The following MACF1 variants were observed in gnomAD, a reference collection of about 807,000 sequenced individuals.
MACF1 encodes the protein microtubule-actin cross-linking factor 1.
In MACF1, 193 loss-of-function variants were observed where a neutral mutation model predicts 854.8. That is an observed-to-expected ratio of 0.23 (90% CI 0.20 to 0.25). MACF1 has a LOEUF of 0.25. MACF1 is among the 10% of genes least tolerant of loss of function. MACF1 has a pLI of 1.00. For missense variants in MACF1, 7,722 were observed against 8,929.1 expected, an observed-to-expected ratio of 0.86 and a Z score of 5.45; for synonymous variants, 3,185 against 3,226.7, an observed-to-expected ratio of 0.99 and a Z score of 0.44.
intron 2 of MACF1, among the ~76,000 whole-genome samples, chr1:39,108,541 C>T (rs1030094089): frequency 1.5e-5 from 2 of 133,234 alleles, no homozygotes; most frequent in African/African-American, 5.7e-5. Context: ...GACGGAGTCT[C>T]ACTCTGCTGC....
intron 6 of MACF1, among the ~76,000 whole-genome samples, chr1:39,265,785 C>T (rs753129750): frequency 3.1e-4 from 47 of 152,154 alleles, no homozygotes; most frequent in Non-Finnish European, 3.8e-4. Flanking sequence ...TTAGGATCCC[C>T]CCGGGGGCTG....
chr1:39,267,422 G>A (rs1157958515), intron 6 of MACF1, among the ~76,000 whole-genome samples: 1 of 152,132 alleles, frequency 6.6e-6, no homozygotes, highest in Non-Finnish European at 1.5e-5. Flanking sequence ...GTAGAGACGG[G>A]GTTTCACCAT....
At position 39,477,851 on chromosome 1, in the gene MACF1, T is replaced by C. The variant is rs563640880; in HGVS notation, c.21959-1947T>C. 5.3e-5 allele frequency among the ~76,000 whole-genome samples: 8 copies of C among 152,178 alleles called. No homozygotes were observed. In the South Asian group the frequency reaches 1.0e-3, roughly 20 times the overall value. ...ATTGCACATTCTGTGAACTGTGCAG[T>C]GCATAGGGAACATATCACCATTATG... On this transcript the variant is annotated intron_variant, in intron 97 of 100. Coordinates refer to ENST00000564288, the MANE Select transcript of MACF1 (RefSeq NM_001394062.1).
rs765780480 is a variant in MACF1, at chr1:39,310,955, C to T, written c.3225C>T (p.Asp1075=). 2 of 1,614,132 alleles carry T rather than the reference C, an allele frequency of 1.2e-6. No individual in the cohort carries two copies. The highest frequency in any genetic ancestry group is 2.2e-5 in the South Asian group (2 of 91,076). The part of the protein sequence containing the change: ...RIQSLASSRT[D]RDAWQDNALR... ...AGTCTCTAGCCAGCTCTAGGACTGA[C>T]AGAGATGCCTGGCAGGACAATGCAT... is the stretch of plus-strand genomic sequence containing the variant. The change falls in exon 26 of 101, where the codon GAC becomes GAT. Residue 1075 remains aspartate, a synonymous_variant. Transcript: ENST00000564288.
At chr1:39,379,180 G>T in intron 53 of MACF1, 23 bp from the exon 54 acceptor site, 1 of 1,548,600 alleles carries the variant, frequency 6.5e-7, no homozygotes, top group South Asian at 1.2e-5. Flanking sequence ...TCTCCAATCT[G>T]ATTTCTGTTT....
chr1:39,108,154 G>A (rs1460041460), intron 2 of MACF1, among the ~76,000 whole-genome samples: 1 of 151,998 alleles, frequency 6.6e-6, no homozygotes, highest in African/African-American at 2.4e-5. Context: ...ATGTCCCAAA[G>A]GTTCTTTCAG....
At chr1:39,273,321 G>C (rs1376664155) in intron 6 of MACF1, among the ~76,000 whole-genome samples, 7 of 151,218 alleles carry the variant, frequency 4.6e-5, no homozygotes, top group Admixed American at 3.3e-4. Context: ...CAGTGTTCTT[G>C]CCACAACCCT....
chr1:39,266,711 C>T, intron 6 of MACF1, among the ~76,000 whole-genome samples: 1 of 144,496 alleles, frequency 6.9e-6, no homozygotes, highest in Non-Finnish European at 1.5e-5. Context: ...TGCTGTGTGG[C>T]CTGGATCCTT....
Position 39,334,216 on chromosome 1 carries a change from T to C in MACF1, c.7628T>C (p.Ile2543Thr), listed in dbSNP as rs1352385464. 5 of 1,614,138 alleles carry C rather than the reference T, an allele frequency of 3.1e-6. No homozygotes were observed. Among genetic ancestry groups the C allele is most frequent in the African/African-American group, 1.3e-5 (1 of 75,044 alleles). The change falls in exon 37 of 101, where the codon ATC becomes ACC. Residue 2543 changes from isoleucine to threonine, a missense_variant. By Grantham distance (89) the Ile-to-Thr change is moderately conservative. Coordinates refer to ENST00000564288, the MANE Select transcript of MACF1 (RefSeq NM_001394062.1). ...CTCAAAAGAGTTGAGAACTTAAACATCCATCAGATTTTTAATCCTGAAACG... is the reference window on the plus strand; with the variant it reads ...CTCAAAAGAGTTGAGAACTTAAACACCCATCAGATTTTTAATCCTGAAACG... ...EKLKRVENLNIHQIFNPETKE... is the reference protein window; with the variant it reads ...EKLKRVENLNTHQIFNPETKE...
chr1:39,143,886 T>A (rs577077651), intron 2 of MACF1, among the ~76,000 whole-genome samples: 1 of 151,690 alleles, frequency 6.6e-6, no homozygotes, highest in Admixed American at 6.5e-5. Context: ...ACCATTCTCC[T>A]GCCTCAGCCT....
In MACF1 at chr1:39,335,018, G is replaced by C. The variant is rs368397402; in HGVS notation, c.8430G>C (p.Glu2810Asp). 40 of 1,614,060 alleles carry C rather than the reference G, an allele frequency of 2.5e-5. No homozygotes were observed. In the African/African-American group the frequency reaches 4.7e-4, roughly 19 times the overall value. The change falls in exon 37 of 101, where the codon GAG becomes GAC. Residue 2810 changes from glutamate to aspartate, a missense_variant. Around this residue, in one of 15 missense-constraint regions of MACF1, gnomAD observed 1,531 missense variants for 1,601.6 expected, o/e 0.96. Coordinates refer to ENST00000564288, the MANE Select transcript of MACF1 (RefSeq NM_001394062.1). ...TAEMSCNKVEESERLFQVENQ... is the reference protein window; with the variant it reads ...TAEMSCNKVEDSERLFQVENQ... ...AAATGAGTTGTAATAAAGTAGAAGAGAGTGAGAGATTATTTCAAGTTGAAA... is the reference window on the plus strand; with the variant it reads ...AAATGAGTTGTAATAAAGTAGAAGACAGTGAGAGATTATTTCAAGTTGAAA...
At chr1:39,115,374 A>T (rs551194386) in intron 2 of MACF1, among the ~76,000 whole-genome samples, 1 of 152,106 alleles carries the variant, frequency 6.6e-6, no homozygotes, top group Non-Finnish European at 1.5e-5. Context: ...GACTAATTGT[A>T]TGTGGTATAT....
chr1:39,175,950 A>C (rs1294620716), intron 2 of MACF1, among the ~76,000 whole-genome samples: 1 of 147,834 alleles, frequency 6.8e-6, no homozygotes, highest in Non-Finnish European at 1.5e-5. Flanking sequence ...ACAAAAAAAA[A>C]AAAAAAAAAA....
chr1:39,480,957 G>T lies in MACF1; in HGVS notation c.22208G>T (p.Trp7403Leu). 6.4e-7 allele frequency: 1 copy of T among 1,550,848 alleles called. No homozygotes were observed. Among genetic ancestry groups the T allele is most frequent in the Non-Finnish European group, 8.7e-7 (1 of 1,146,958 alleles). Residue 7403 changes from tryptophan (W) to leucine (L), a missense_variant, in exon 99 of 101, where the codon TGG (tryptophan) becomes TTG (leucine). Transcript: ENST00000564288. ...LQFSRCYDKP[W>L]LVNSKAGTPI... is the part of the protein sequence containing the mutation. ...TTCTCTCGCTGTTATGACAAACCCT[G>T]GTTGGTAAACAGTAAAGCTGGCACC...
intron 58 of MACF1, among the ~76,000 whole-genome samples, chr1:39,403,818 G>A (rs1642576117): frequency 7.0e-6 from 1 of 142,996 alleles, no homozygotes; most frequent in Non-Finnish European, 1.5e-5. Context: ...CCGTCCCAAA[G>A]TCCTCATTTA....
At chr1:39,095,568 A>G (rs1641916438) in intron 2 of MACF1, among the ~76,000 whole-genome samples, 1 of 148,816 alleles carries the variant, frequency 6.7e-6, no homozygotes, top group Non-Finnish European at 1.5e-5. Flanking sequence ...TCTCAAAAAA[A>G]AAAAAAAAAA....
chr1:39,380,136 C>A, intron 54 of MACF1, 108 bp from the exon 55 acceptor site: 2 of 1,069,050 alleles, frequency 1.9e-6, no homozygotes, highest in Non-Finnish European at 2.8e-6. Flanking sequence ...TTGATAGGAT[C>A]CTAGTAGAGT....
rs1381452446 is a variant in MACF1, at chr1:39,340,637, C to G, written c.10351C>G (p.Leu3451Val). Residue 3451 changes from leucine (L) to valine (V), a missense_variant, in exon 39 of 101, where the codon CTT (leucine) becomes GTT (valine). Leu to Val is a conservative substitution (Grantham distance 32, BLOSUM62 1). Coordinates refer to ENST00000564288, the MANE Select transcript of MACF1 (RefSeq NM_001394062.1). ...GGCTCTAGAGAAAGATGCCAAGAATCTTCAGAAGTCTCTCAGCTCTGTGAG... is the reference window on the plus strand; with the variant it reads ...GGCTCTAGAGAAAGATGCCAAGAATGTTCAGAAGTCTCTCAGCTCTGTGAG... ...LKALEKDAKN[L>V]QKSLSSVSDT... 5.6e-6 allele frequency: 9 copies of G among 1,614,100 alleles called. No homozygotes were observed. The highest frequency in any genetic ancestry group is 7.6e-6 in the Non-Finnish European group (9 of 1,180,038).
At position 39,334,843 on chromosome 1, in the gene MACF1, G is replaced by C; in HGVS notation, c.8255G>C (p.Ser2752Thr). The C allele has an allele frequency of 6.2e-7, 1 of 1,614,162 alleles. No homozygotes were observed. The highest frequency in any genetic ancestry group is 8.5e-7 in the Non-Finnish European group (1 of 1,180,018). ...GAAGCTATTGAGAAAAGACTGATCA[G>C]CCCTGAACTGGCAAATATGATCCAA... ...LVEAIEKRLI[S>T]PELANMIQID... The change falls in exon 37 of 101, where the codon AGC (serine) becomes ACC (threonine). Residue 2752 changes from serine (S) to threonine (T), a missense_variant. Around this residue, in one of 15 missense-constraint regions of MACF1, gnomAD observed 1,531 missense variants for 1,601.6 expected, o/e 0.96. Coordinates refer to ENST00000564288, the MANE Select transcript of MACF1 (RefSeq NM_001394062.1).
Sources: allele counts gnomAD v4.1 joint callset (sites outside exome capture counted in the v4.1 genomes callset), GRCh38; gene constraint gnomAD v4.1.1; regional missense constraint gnomAD v4.1.1; transcripts MANE v1.5; gene names NCBI Gene and HGNC (gene_info 2026-07-23, HGNC 2026-07-21).